The following KCNN2 variants were observed in gnomAD, a reference collection of about 807,000 sequenced individuals.
The protein encoded by KCNN2 is potassium calcium-activated channel subfamily N member 2, also known as small conductance calcium-activated potassium channel protein 2.
A neutral mutation model predicts 55.5 loss-of-function variants in KCNN2; 24 were observed. The ratio of observed to expected loss-of-function variants is 0.43; its 90% CI spans 0.31 to 0.61. The LOEUF (loss-of-function observed/expected upper bound fraction) is 0.61. Among genes scored for constraint, KCNN2 ranks in the 20% least tolerant of loss-of-function variants. The probability of loss-of-function intolerance (pLI) is 0.08; values close to 1 mark genes in which losing one functional copy is unlikely to be tolerated. For missense variants in KCNN2, 754 were observed against 853.6 expected, an observed-to-expected ratio of 0.88 and a Z score of 1.45; for synonymous variants, 431 against 336.1, an observed-to-expected ratio of 1.28 and a Z score of -3.09.
rs751145134 is a variant in KCNN2 at position 114,473,101 on chromosome 5, A to G, written c.1827A>G (p.Leu609=). 2 of 1,612,856 alleles carry G rather than the reference A, an allele frequency of 1.2e-6. No individual in the cohort carries two copies. The highest frequency in any genetic ancestry group is 4.5e-5 in the East Asian group (2 of 44,760). Residue 609 remains leucine, a synonymous_variant, in exon 5 of 8, where the codon CTA becomes CTG. Transcript: ENST00000673685. ...TGGTAGCTGTAGTGGCAAGGAAGCT[A>G]GAACTTACCAAAGCAGAAAAACACG... is the stretch of plus-strand genomic sequence containing the variant. ...ALVVAVVARK[L]ELTKAEKHVH...
rs200844791 is a variant in KCNN2 at position 114,404,869 on chromosome 5, C to A, written c.1637+13C>A. 31 of 1,591,814 alleles carry A rather than the reference C, an allele frequency of 1.9e-5. No homozygotes were observed. The highest frequency in any genetic ancestry group is 2.6e-5 in the Non-Finnish European group (30 of 1,167,220). On this transcript the variant is annotated intron_variant, in intron 3 of 7. Coordinates refer to ENST00000673685, the MANE Select transcript of KCNN2 (RefSeq NM_021614.4). ...GAGCTTGTGAAAGGTAAGTTTGTTT[C>A]TTTTCCTGAGAACATAATTTACCAT... is the stretch of plus-strand genomic sequence containing the variant.
intron 2 of KCNN2, among the ~76,000 whole-genome samples, chr5:114,291,179 C>A (rs999906817): frequency 1.4e-5 from 2 of 144,460 alleles, no homozygotes; most frequent in Non-Finnish European, 3.0e-5. Flanking sequence ...AATATATGAG[C>A]TTTTTTATTT....
At chr5:114,131,831 T>A (rs1210327611) in intron 1 of KCNN2, among the ~76,000 whole-genome samples, 1 of 152,238 alleles carries the variant, frequency 6.6e-6, no homozygotes, top group Admixed American at 6.5e-5. Flanking sequence ...CTGACTGGCA[T>A]AAGATGGTAT....
intron 3 of KCNN2, among the ~76,000 whole-genome samples, chr5:114,407,820 G>C (rs560995521): frequency 5.9e-5 from 9 of 152,232 alleles, no homozygotes; most frequent in African/African-American, 2.2e-4. Context: ...TTGTTCTCCT[G>C]GTATCAGTAC....
At chr5:114,181,180 A>C (rs1753229658) in intron 1 of KCNN2, among the ~76,000 whole-genome samples, 1 of 152,114 alleles carries the variant, frequency 6.6e-6, no homozygotes, top group Non-Finnish European at 1.5e-5. Context: ...ATGTAGGTTT[A>C]GTTTTCCAGA....
At chr5:114,155,279 A>T (rs1752607326) in intron 1 of KCNN2, among the ~76,000 whole-genome samples, 1 of 152,122 alleles carries the variant, frequency 6.6e-6, no homozygotes, top group Non-Finnish European at 1.5e-5. Flanking sequence ...TTCTTTATCC[A>T]GTCTGTGATT....
rs916727728 is a variant in KCNN2, at chr5:114,306,664, A to T, written c.-184-54281A>T. Among the ~76,000 whole-genome samples the T allele has an allele frequency of 4.7e-5, 7 of 148,952 alleles. No homozygotes were observed. The East Asian group carries it at 1.4e-3, about 29-fold the overall frequency. ...TAGGGCAGAAGTACCTTTACTACCC[A>T]CCTTTCATCAGTTCACACTTAAATT... On this transcript the variant is annotated intron_variant, in intron 2 of 10. Transcript: ENST00000512097.
intron 1 of KCNN2, among the ~76,000 whole-genome samples, chr5:114,172,356 A>C (rs1173247292): frequency 6.6e-6 from 1 of 151,738 alleles, no homozygotes; most frequent in Non-Finnish European, 1.5e-5. Context: ...GAATTATACT[A>C]TTACCTGTTA....
chr5:114,315,089 C>A (rs540696555), intron 2 of KCNN2, among the ~76,000 whole-genome samples: 1 of 152,250 alleles, frequency 6.6e-6, no homozygotes, highest in Non-Finnish European at 1.5e-5. Context: ...ATATTGGGAG[C>A]AAACAGGAAC....
Position 114,460,382 on chromosome 5 carries a change from A to G in KCNN2, c.1638-2667A>G, listed in dbSNP as rs1414159148. ...CTCAGCCTCCCAAGTAGGTGGGACT[A>G]TCGGCTTACACTACCATACCTGGCT... On this transcript the variant is annotated intron_variant, in intron 3 of 7. Transcript: ENST00000673685. Among the ~76,000 whole-genome samples the G allele has an allele frequency of 2.0e-5, 3 of 152,082 alleles. 1 individual carries two copies. Among genetic ancestry groups the G allele is most frequent in the African/African-American group, 4.8e-5 (2 of 41,430 alleles).
At chr5:114,174,013 CTT>C (rs1241159199) in intron 1 of KCNN2, among the ~76,000 whole-genome samples, 5 of 151,932 alleles carry the variant, frequency 3.3e-5, no homozygotes, top group Non-Finnish European at 7.4e-5. Context: ...ATGAAAGAGC[CTT>C]TACATGTCTA....
intron 2 of KCNN2, among the ~76,000 whole-genome samples, chr5:114,322,033 C>T (rs36964): frequency 0.28 from 43,337 of 152,116 alleles, 7,387 homozygotes; most frequent in African/African-American, 0.47. Flanking sequence ...CCAGTTTCCT[C>T]AGCTTAGAAG....
At chr5:114,142,484 C>A (rs992892037) in intron 1 of KCNN2, among the ~76,000 whole-genome samples, 1 of 152,046 alleles carries the variant, frequency 6.6e-6, no homozygotes, top group African/African-American at 2.4e-5. Flanking sequence ...CATCTCAGCC[C>A]AAAATCTCCT....
intron 3 of KCNN2, among the ~76,000 whole-genome samples, chr5:114,414,633 G>T (rs1759250214): frequency 6.6e-6 from 1 of 152,090 alleles, no homozygotes; most frequent in Non-Finnish European, 1.5e-5. Context: ...ACTAAAAAAG[G>T]CCCAGGCATC....
intron 2 of KCNN2, among the ~76,000 whole-genome samples, chr5:114,249,859 T>C (rs1754824023): frequency 6.6e-6 from 1 of 152,152 alleles, no homozygotes; most frequent in African/African-American, 2.4e-5. Context: ...GAAGAAGACT[T>C]GCAGGTAAGG....
At chr5:114,363,847 G>T (rs1481725945) in intron 1 of KCNN2, 59 bp from the exon 2 acceptor site, 3 of 1,239,448 alleles carry the variant, frequency 2.4e-6, no homozygotes, top group African/African-American at 1.5e-5. Flanking sequence ...CTCTGGGGAC[G>T]TGGAAGGCGG....
chr5:114,061,007 T>C (rs1750316427), intron 1 of KCNN2, among the ~76,000 whole-genome samples: 1 of 152,198 alleles, frequency 6.6e-6, no homozygotes, highest in Non-Finnish European at 1.5e-5. Flanking sequence ...GCTGTTCCAT[T>C]TCTCACATTA....
intron 1 of KCNN2, among the ~76,000 whole-genome samples, chr5:114,064,959 G>T (rs1252251563): frequency 6.6e-6 from 1 of 152,174 alleles, no homozygotes; most frequent in East Asian, 1.9e-4. Context: ...GTTAGTTTTT[G>T]TGGGGCTGTT....
chr5:114,257,569 C>A (rs1197327807), intron 2 of KCNN2, among the ~76,000 whole-genome samples: 2 of 151,966 alleles, frequency 1.3e-5, no homozygotes, highest in African/African-American at 4.8e-5. Context: ...GATCTTTCAC[C>A]TCATTGGATA....
Sources: gnomAD v4.1 joint callset for allele counts (sites outside exome capture counted in the v4.1 genomes callset) on GRCh38, gnomAD v4.1.1 for gene constraint, MANE v1.5 for transcripts, NCBI Gene and HGNC (gene_info 2026-07-23, HGNC 2026-07-21) for gene names.